Variants in ZNF480 observed in about 807,000 individuals in gnomAD.
ZNF480 encodes zinc finger protein 480.
A neutral mutation model predicts 14.4 loss-of-function variants in ZNF480; 15 were observed. The observed-to-expected ratio is 1.04, with a 90% CI of 0.70 to 1.60. ZNF480 has a LOEUF of 1.60. ZNF480 is among the 40% of genes most tolerant of loss of function. The probability of loss-of-function intolerance (pLI) is 0.00; values close to 1 mark genes in which losing one functional copy is unlikely to be tolerated. For missense variants in ZNF480, 593 were observed against 629.7 expected (o/e 0.94, Z 0.62); for synonymous variants, 218 against 215.5 (o/e 1.01, Z -0.10).
intron 2 of ZNF480, among the ~76,000 whole-genome samples, chr19:52,310,112 G>A (rs368624829): frequency 8.6e-5 from 13 of 151,272 alleles, no homozygotes; most frequent in East Asian, 3.9e-4. Flanking sequence ...CTGGGGTGCC[G>A]TGGCAGGATC....
chr19:52,307,271 G>A (rs1366260457), intron 2 of ZNF480: 1 of 152,266 alleles, frequency 6.6e-6, no homozygotes, highest in African/African-American at 2.4e-5. Flanking sequence ...GAGTCAGCTA[G>A]TGCTAACCTT....
chr19:52,317,719 G>C (rs1983626080), intron 4 of ZNF480, among the ~76,000 whole-genome samples: 1 of 152,086 alleles, frequency 6.6e-6, no homozygotes, highest in Non-Finnish European at 1.5e-5. Context: ...TGCCTATACT[G>C]ATCATTTGAT....
rs181830595 is a variant in ZNF480 at position 52,324,395 on chromosome 19, C to G, written c.*1537C>G. 5.3e-4 allele frequency: 81 copies of G among 152,242 alleles called. No homozygotes were observed. The highest frequency in any genetic ancestry group is 1.9e-3 in the African/African-American group (80 of 41,540). The allele number at this position is 152,242 out of a possible 1,614,324, so 9.4% of individuals were successfully genotyped here. A position where few individuals can be genotyped will look rare whatever the true frequency, so the allele number is the denominator to read the frequency against. On this transcript the variant is annotated 3_prime_UTR_variant, in exon 5 of 5. Coordinates refer to ENST00000595962, the MANE Select transcript of ZNF480 (RefSeq NM_144684.4). ...TTTACAGAGCCAATGCTATTTCTAT[C>G]AAACTACCAATGGCATTTTTCACAG...
chr19:52,317,941 A>C (rs2122555131), intron 4 of ZNF480, among the ~76,000 whole-genome samples: 1 of 152,028 alleles, frequency 6.6e-6, no homozygotes. Context: ...AAAAATATTC[A>C]GTTTTCTATT....
chr19:52,303,231 T>C (rs1555797730), intron 2 of ZNF480, among the ~76,000 whole-genome samples: 1 of 152,222 alleles, frequency 6.6e-6, no homozygotes, highest in Non-Finnish European at 1.5e-5. Context: ...ACTAGACCCA[T>C]CTGTAAAAAC....
intron 2 of ZNF480, among the ~76,000 whole-genome samples, chr19:52,311,209 G>T (rs959303279): frequency 1.3e-5 from 2 of 151,802 alleles, no homozygotes; most frequent in Non-Finnish European, 2.9e-5. Context: ...GTAAGTCAGG[G>T]TTGATCACAT....
chr19:52,319,115 C>T (rs140393366), intron 4 of ZNF480, among the ~76,000 whole-genome samples: 44 of 152,164 alleles, frequency 2.9e-4, no homozygotes, highest in African/African-American at 1.0e-3. Context: ...CTGCCCGCCT[C>T]GGCCTCCCAG....
chr19:52,315,024 G>C (rs1019104432), intron 3 of ZNF480, among the ~76,000 whole-genome samples: 2 of 152,070 alleles, frequency 1.3e-5, no homozygotes, highest in Non-Finnish European at 2.9e-5. Context: ...TGGAGGGCAC[G>C]TGATCTTGGC....
At chr19:52,300,754 G>C (rs998574574) in intron 2 of ZNF480, 11 of 534,608 alleles carry the variant, frequency 2.1e-5, no homozygotes, top group Non-Finnish European at 3.0e-5. Context: ...AACAGGGTTT[G>C]ACCCACATAT....
chr19:52,324,882 A>C lies in ZNF480; in HGVS notation c.*2024A>C, dbSNP rs1489385846. On this transcript the variant is annotated 3_prime_UTR_variant, in exon 5 of 5. Coordinates refer to ENST00000595962, the MANE Select transcript of ZNF480 (RefSeq NM_144684.4). ...TGGACATAAGTGCTGGAAAAGACTT[A>C]ATGATGAACACCCCAAAGCAATTGC... 1 of 152,198 alleles carries C rather than the reference A, an allele frequency of 6.6e-6. No homozygotes were observed. Among genetic ancestry groups the C allele is most frequent in the East Asian group, 1.9e-4 (1 of 5,200 alleles). 9.4% of individuals were successfully genotyped at this position (152,198 alleles called of 1,614,324 possible). A position where few individuals can be genotyped will look rare whatever the true frequency, so the allele number is the denominator to read the frequency against.
intron 4 of ZNF480, among the ~76,000 whole-genome samples, chr19:52,317,887 G>A (rs564074711): frequency 1.2e-4 from 18 of 152,052 alleles, no homozygotes; most frequent in South Asian, 2.1e-4. Context: ...TTGACAAAAC[G>A]TATTCTATAT....
rs772287038 is a variant in ZNF480, at chr19:52,325,168, A to G, written c.*2310A>G. 1 of 152,256 alleles carries G rather than the reference A, an allele frequency of 6.6e-6. No individual in the cohort carries two copies. Among genetic ancestry groups the G allele is most frequent in the Non-Finnish European group, 1.5e-5 (1 of 68,046 alleles). 9.4% of individuals were successfully genotyped at this position (152,256 alleles called of 1,614,324 possible). On this transcript the variant is annotated 3_prime_UTR_variant, in exon 5 of 5. Coordinates refer to ENST00000595962, the MANE Select transcript of ZNF480 (RefSeq NM_144684.4). ...AATAAGCATATGAAAAAAATGGTTAATATCGCTAATCATTAAGGAAATGCA... is the reference window on the plus strand; with the variant it reads ...AATAAGCATATGAAAAAAATGGTTAGTATCGCTAATCATTAAGGAAATGCA...
Position 52,312,591 on chromosome 19 carries a change from G to A in ZNF480, c.73-1562G>A, listed in dbSNP as rs73579042. Among the ~76,000 whole-genome samples the A allele has an allele frequency of 4.4e-3, 671 of 152,206 alleles. 3 individuals are homozygous for A. Among genetic ancestry groups the A allele is most frequent in the African/African-American group, 0.015 (643 of 41,506 alleles). On this transcript the variant is annotated intron_variant, in intron 2 of 4. Transcript: ENST00000595962. ...TTCTTTTGGTTTGGTTCTAATGCCC[G>A]GACGCCTGGGATCTGGTGCTTACTT...
At chr19:52,302,015 G>T in intron 2 of ZNF480, 1 of 188,232 alleles carries the variant, frequency 5.3e-6, no homozygotes, top group South Asian at 1.0e-4. Flanking sequence ...TGTCAGTCTC[G>T]ACATGGCTGC....
At chr19:52,314,969 T>C (rs1983480459) in intron 3 of ZNF480, among the ~76,000 whole-genome samples, 1 of 152,118 alleles carries the variant, frequency 6.6e-6, no homozygotes, top group Non-Finnish European at 1.5e-5. Flanking sequence ...GCATAAAACC[T>C]TTTTTGTTTG....
chr19:52,321,127 C>T (rs771367456), intron 4 of ZNF480, among the ~76,000 whole-genome samples: 6 of 152,070 alleles, frequency 3.9e-5, no homozygotes, highest in Non-Finnish European at 5.9e-5. Context: ...AACTGCTTCT[C>T]TCAGTTGTTT....
intron 4 of ZNF480, among the ~76,000 whole-genome samples, chr19:52,318,727 T>TGTGGGC (rs1400957556): frequency 2.0e-5 from 3 of 152,200 alleles, no homozygotes; most frequent in Non-Finnish European, 4.4e-5. Context: ...TTCCTTTGCT[T>TGTGGGC]GTGGGCATCC....
intron 3 of ZNF480, among the ~76,000 whole-genome samples, chr19:52,314,493 A>C (rs974415027): frequency 2.0e-5 from 3 of 150,846 alleles, no homozygotes; most frequent in African/African-American, 7.3e-5. Context: ...AAAAAAAAAA[A>C]AAAAACCAAA....
chr19:52,307,750 A>T (rs1983013281), intron 2 of ZNF480, among the ~76,000 whole-genome samples: 1 of 152,194 alleles, frequency 6.6e-6, no homozygotes, highest in South Asian at 2.1e-4. Flanking sequence ...GATTAGAGAA[A>T]CAGGCTCTGG....
Sources: allele counts gnomAD v4.1 joint callset (sites outside exome capture counted in the v4.1 genomes callset), GRCh38; gene constraint gnomAD v4.1.1; transcripts MANE v1.5; gene names NCBI Gene and HGNC (gene_info 2026-07-23, HGNC 2026-07-21).